PARVA: variants seen among roughly 807,000 people sequenced by gnomAD.
PARVA encodes parvin alpha, also known as alpha-parvin.
In PARVA, 25 loss-of-function variants were observed where a neutral mutation model predicts 52.6. That is an observed-to-expected ratio of 0.48 (90% CI 0.35 to 0.66). The LOEUF is 0.66. PARVA is among the 30% of genes least tolerant of loss of function. The pLI is 0.01. For missense variants in PARVA, 373 were observed against 450.9 expected (o/e 0.83, Z 1.56); for synonymous variants, 185 against 179.1 (o/e 1.03, Z -0.26).
chr11:12,496,433 T>C (rs1941299884), intron 4 of PARVA, 25 bp from the exon 5 acceptor site: 1 of 1,599,160 alleles, frequency 6.3e-7, no homozygotes, highest in South Asian at 1.1e-5. Context: ...ATAACAGCTG[T>C]TCTCTTTTCC....
At chr11:12,420,341 C>CA (rs1940130684) in intron 1 of PARVA, among the ~76,000 whole-genome samples, 2 of 152,136 alleles carry the variant, frequency 1.3e-5, no homozygotes, top group African/African-American at 4.8e-5. Flanking sequence ...TGAACGGGAA[C>CA]TTCATGAATG....
At chr11:12,388,934 TAGAGTCCTAAA>T in intron 1 of PARVA, among the ~76,000 whole-genome samples, 1 of 152,208 alleles carries the variant, frequency 6.6e-6, no homozygotes, top group Admixed American at 6.5e-5. Flanking sequence ...TTACTTTGGG[TAGAGTCCTAAA>T]AGTGCAATTA....
chr11:12,494,552 T>C (rs747588962), intron 4 of PARVA, among the ~76,000 whole-genome samples: 1 of 152,128 alleles, frequency 6.6e-6, no homozygotes, highest in Admixed American at 6.6e-5. Context: ...TAACCATAGA[T>C]GCCACTATCA....
intron 1 of PARVA, among the ~76,000 whole-genome samples, chr11:12,396,481 C>G (rs769278844): frequency 1.3e-5 from 2 of 152,188 alleles, no homozygotes; most frequent in Non-Finnish European, 2.9e-5. Flanking sequence ...GCTGTGTCAC[C>G]TGGGACAGGT....
At chr11:12,459,376 G>C (rs935265231) in intron 1 of PARVA, among the ~76,000 whole-genome samples, 6 of 151,938 alleles carry the variant, frequency 3.9e-5, no homozygotes, top group African/African-American at 1.5e-4. Context: ...CTGCACGCCA[G>C]CTTGGGTAAC....
At chr11:12,391,513 C>A (rs1388760344) in intron 1 of PARVA, among the ~76,000 whole-genome samples, 1 of 152,150 alleles carries the variant, frequency 6.6e-6, no homozygotes, top group African/African-American at 2.4e-5. Flanking sequence ...AAAACAACAC[C>A]CCTGCTTGTA....
intron 1 of PARVA, among the ~76,000 whole-genome samples, chr11:12,405,039 T>G (rs1009451267): frequency 1.2e-4 from 18 of 152,182 alleles, no homozygotes; most frequent in African/African-American, 4.1e-4. Flanking sequence ...ATTTAAACCC[T>G]TTTAGCCTCA....
chr11:12,504,310 T>G lies in PARVA; in HGVS notation c.542-4T>G. On this transcript the variant is annotated splice_polypyrimidine_tract_variant and splice_region_variant and intron_variant, in intron 5 of 12. Transcript: ENST00000334956. The stretch of plus-strand genomic sequence containing the variant: ...TGTAATTTTTCAATCTTCTTTCATT[T>G]CAGCTGTTCATGCCAAGAGCCTGGT... 1.3e-6 allele frequency: 2 copies of G among 1,565,664 alleles called. No individual in the cohort carries two copies. The highest frequency in any genetic ancestry group is 1.8e-6 in the Non-Finnish European group (2 of 1,136,436).
chr11:12,430,138 C>G (rs76339332), intron 1 of PARVA, among the ~76,000 whole-genome samples: 4 of 152,100 alleles, frequency 2.6e-5, no homozygotes, highest in Admixed American at 6.5e-5. Flanking sequence ...GTAAATACCC[C>G]CACTAGGGCC....
intron 1 of PARVA, among the ~76,000 whole-genome samples, chr11:12,434,180 G>A (rs988969036): frequency 6.6e-6 from 1 of 152,056 alleles, no homozygotes; most frequent in African/African-American, 2.4e-5. Context: ...ATCATACCAC[G>A]TAAGCAGTTT....
At chr11:12,411,397 T>G (rs1348307732) in intron 1 of PARVA, among the ~76,000 whole-genome samples, 1 of 152,206 alleles carries the variant, frequency 6.6e-6, no homozygotes, top group Non-Finnish European at 1.5e-5. Context: ...TTATTATAAT[T>G]AATGAACCAA....
In PARVA at chr11:12,458,552, C is replaced by T. The variant is rs948288493; in HGVS notation, c.137-15193C>T. ...GGAGGAAAAGAGCATGTTCTGTTCC[C>T]GGATTTGCTCCTAAAAATATACTAA... On this transcript the variant is annotated intron_variant, in intron 1 of 12. Transcript: ENST00000334956. 6.1e-5 allele frequency among the ~76,000 whole-genome samples: 9 copies of T among 147,536 alleles called. No homozygotes were observed. In the South Asian group the frequency reaches 1.1e-3, roughly 18 times the overall value.
At chr11:12,424,882 T>G (rs1405247402) in intron 1 of PARVA, among the ~76,000 whole-genome samples, 1 of 152,246 alleles carries the variant, frequency 6.6e-6, no homozygotes, top group African/African-American at 2.4e-5. Context: ...TTTCCCTATG[T>G]GCTAGCTCTG....
chr11:12,533,145 C>T lies in PARVA; in HGVS notation c.*5220C>T, dbSNP rs188755009. Among the ~76,000 whole-genome samples, 1 of 152,172 alleles carries T rather than the reference C, an allele frequency of 6.6e-6. No individual in the cohort carries two copies. Among genetic ancestry groups the T allele is most frequent in the African/African-American group, 2.4e-5 (1 of 41,440 alleles). The stretch of plus-strand genomic sequence containing the variant: ...TGATGGACAGGAACTCCTGGACTAC[C>T]CCCAGCCTCTCCACAATGTGTCCTG... On this transcript the variant is annotated 3_prime_UTR_variant, in exon 13 of 13. Coordinates refer to ENST00000334956, the MANE Select transcript of PARVA (RefSeq NM_018222.5).
chr11:12,440,315 A>G (rs1348794584), intron 1 of PARVA, among the ~76,000 whole-genome samples: 1 of 152,156 alleles, frequency 6.6e-6, no homozygotes, highest in Non-Finnish European at 1.5e-5. Flanking sequence ...AAGTGTAGGA[A>G]GCCGGTCAAG....
At chr11:12,403,539 C>T (rs1032336349) in intron 1 of PARVA, among the ~76,000 whole-genome samples, 3 of 152,144 alleles carry the variant, frequency 2.0e-5, no homozygotes, top group African/African-American at 7.2e-5. Flanking sequence ...GGTATGTGCT[C>T]AATGTTTAGT....
chr11:12,441,950 A>T (rs1399162476), intron 1 of PARVA, among the ~76,000 whole-genome samples: 2 of 152,104 alleles, frequency 1.3e-5, no homozygotes, highest in Non-Finnish European at 2.9e-5. Context: ...AGTTGGGGGG[A>T]GTTGAAGGGA....
chr11:12,487,823 C>T (rs1291739350), intron 4 of PARVA, among the ~76,000 whole-genome samples: 1 of 151,966 alleles, frequency 6.6e-6, no homozygotes, highest in Admixed American at 6.6e-5. Context: ...GTGTGTGTGT[C>T]AAGGGACACA....
At chr11:12,408,408 C>T (rs1183452902) in intron 1 of PARVA, among the ~76,000 whole-genome samples, 3 of 152,214 alleles carry the variant, frequency 2.0e-5, no homozygotes, top group Admixed American at 2.0e-4. Context: ...ACTTGGGCCA[C>T]AGCAGCCTCT....
Sources: gnomAD v4.1 joint callset for allele counts (sites outside exome capture counted in the v4.1 genomes callset) on GRCh38, gnomAD v4.1.1 for gene constraint, MANE v1.5 for transcripts, NCBI Gene and HGNC (gene_info 2026-07-23, HGNC 2026-07-21) for gene names.